Variants in CEBPZ observed in about 807,000 individuals in gnomAD.
CEBPZ encodes the protein CCAAT enhancer binding protein zeta.
In CEBPZ, 78 loss-of-function variants were observed where a neutral mutation model predicts 104.5. The ratio of observed to expected loss-of-function variants is 0.75; its 90% CI spans 0.62 to 0.90. The LOEUF is 0.90. CEBPZ is among the 40% of genes least tolerant of loss of function. CEBPZ has a pLI of 0.00. For synonymous variants in CEBPZ, 470 were observed against 427.0 expected (o/e 1.10, Z -1.24); for missense variants, 1,439 against 1,233.5 (o/e 1.17, Z -2.50).
chr2:37,210,989 AT>A lies in CEBPZ; in HGVS notation c.2884+9del. On this transcript the variant is annotated intron_variant, in intron 13 of 15. Coordinates refer to ENST00000234170, the MANE Select transcript of CEBPZ (RefSeq NM_005760.3). ...ACTGCTTTTAAAAGATATTAAATGT[AT>A]TTTCTTACCTTGAAATGAGCCAGCA... The A allele has an allele frequency of 6.3e-7, 1 of 1,592,634 alleles. No individual in the cohort carries two copies.
chr2:37,212,600 A>G (rs1054493567), intron 10 of CEBPZ: 23 of 544,040 alleles, frequency 4.2e-5, no homozygotes, highest in African/African-American at 4.2e-4. Flanking sequence ...AAAACTAAAG[A>G]AGGATCCAGT....
rs747793120 is a variant in CEBPZ at position 37,203,019 on chromosome 2, T to C, written c.2885-11A>G. 11 of 1,506,928 alleles carry C rather than the reference T, an allele frequency of 7.3e-6. No homozygotes were observed. Among genetic ancestry groups the C allele is most frequent in the Non-Finnish European group, 8.9e-6 (10 of 1,117,950 alleles). The allele number at this position is 1,506,928 out of a possible 1,614,324, so 93.3% of individuals were successfully genotyped here. A position where few individuals can be genotyped will look rare whatever the true frequency, so the allele number is the denominator to read the frequency against. The stretch of plus-strand genomic sequence containing the variant: ...TCTTTTTTCTTGGCCCTAAAAAAAA[T>C]TGTAAGTCTACATTATTCAATTATA... On this transcript the variant is annotated splice_polypyrimidine_tract_variant and intron_variant, in intron 13 of 15. Transcript: ENST00000234170.
intron 2 of CEBPZ, 55 bp downstream of exon 2, chr2:37,227,489 C>G: frequency 2.0e-6 from 3 of 1,514,366 alleles, no homozygotes; most frequent in Non-Finnish European, 2.6e-6. Flanking sequence ...ACTGCTTGTG[C>G]TGTACTACAT....
Position 37,231,412 on chromosome 2 carries a change from C to G in CEBPZ, c.156G>C (p.Lys52Asn). 1 of 1,613,930 alleles carries G rather than the reference C, an allele frequency of 6.2e-7. No individual in the cohort carries two copies. Among genetic ancestry groups the G allele is most frequent in the Non-Finnish European group, 8.5e-7 (1 of 1,179,970 alleles). Residue 52 changes from lysine to asparagine, a missense_variant and splice_region_variant, in exon 1 of 16, where the codon AAG becomes AAC. Lys to Asn is a moderately conservative substitution (Grantham distance 94). Transcript: ENST00000234170. ...GTTCCCCGGAGCCCGCGGCCGTTAC[C>G]TTGGTGCCTCCGAGCCGTAACACTT... ...LEEVLRLGGT[K>N]QDYLMLATLD...
intron 13 of CEBPZ, among the ~76,000 whole-genome samples, chr2:37,207,370 G>C (rs958206796): frequency 1.3e-5 from 2 of 152,108 alleles, no homozygotes; most frequent in African/African-American, 4.8e-5. Context: ...ACCAGCACAC[G>C]GAGCATTCTC....
chr2:37,219,899 G>C (rs79130981), intron 5 of CEBPZ, among the ~76,000 whole-genome samples: 2,116 of 152,222 alleles, frequency 0.014, 42 homozygotes, highest in African/African-American at 0.048. Flanking sequence ...GCACACTTAA[G>C]ATTTTCTACA....
At chr2:37,215,426 C>T (rs186747315) in intron 8 of CEBPZ, 1 of 152,342 alleles carries the variant, frequency 6.6e-6, no homozygotes, top group Non-Finnish European at 1.5e-5. Context: ...TAAGGAACTA[C>T]AAGAAATCAG....
chr2:37,213,755 C>G, intron 10 of CEBPZ, 109 bp downstream of exon 10: 1 of 708,768 alleles, frequency 1.4e-6, no homozygotes, highest in South Asian at 1.8e-5. Flanking sequence ...GCATGATATT[C>G]TTAGCTAAGT....
rs755444331 is a variant in CEBPZ, at chr2:37,227,694, C to A, written c.1499G>T (p.Gly500Val). ...VNRAYPYSQT[G>V]DDKVREQIDT... is the part of the protein sequence containing the mutation. ...AATCTGCTCCCTTACTTTGTCATCA[C>A]CAGTCTGGGAATAAGGGTATGCCCT... Residue 500 changes from glycine (G) to valine (V), a missense_variant, in exon 2 of 16, where the codon GGT becomes GTT. Coordinates refer to ENST00000234170, the MANE Select transcript of CEBPZ (RefSeq NM_005760.3). 1.9e-6 allele frequency: 3 copies of A among 1,614,034 alleles called. No homozygotes were observed. The highest frequency in any genetic ancestry group is 2.7e-5 in the African/African-American group (2 of 74,914).
At chr2:37,205,129 G>A (rs1677488477) in intron 13 of CEBPZ, among the ~76,000 whole-genome samples, 1 of 152,118 alleles carries the variant, frequency 6.6e-6, no homozygotes, top group Non-Finnish European at 1.5e-5. Flanking sequence ...GTTATTACAG[G>A]ACTAAGAAAT....
chr2:37,228,908 C>T lies in CEBPZ; in HGVS notation c.285G>A (p.Lys95=), dbSNP rs1664960368. ...EAFIQNLNLA[K]YTKASLVEED... is the part of the protein sequence containing the mutation. Reference sequence around the variant, plus strand: ...CTTCAACTAAGGAAGCTTTTGTATACTTCGCCAAATTAAGATTTTGAATAA... The same window carrying T: ...CTTCAACTAAGGAAGCTTTTGTATATTTCGCCAAATTAAGATTTTGAATAA... The change falls in exon 2 of 16, where the codon AAG becomes AAA. Residue 95 remains lysine, a synonymous_variant. Coordinates refer to ENST00000234170, the MANE Select transcript of CEBPZ (RefSeq NM_005760.3). 2.5e-6 allele frequency: 4 copies of T among 1,610,672 alleles called. No individual in the cohort carries two copies. Among genetic ancestry groups the T allele is most frequent in the Non-Finnish European group, 3.4e-6 (4 of 1,178,906 alleles).
chr2:37,229,467 C>A (rs921991696), intron 1 of CEBPZ, among the ~76,000 whole-genome samples: 1 of 152,030 alleles, frequency 6.6e-6, no homozygotes, highest in Non-Finnish European at 1.5e-5. Flanking sequence ...TTAGACAAAT[C>A]CACATTAAAA....
At chr2:37,204,747 G>C (rs1677472109) in intron 13 of CEBPZ, 1 of 152,100 alleles carries the variant, frequency 6.6e-6, no homozygotes, top group African/African-American at 2.4e-5. Context: ...AAAATTCCTT[G>C]CCTCTTTTTG....
chr2:37,212,237 T>C lies in CEBPZ; in HGVS notation c.2603+98A>G. 4.3e-6 allele frequency: 5 copies of C among 1,151,880 alleles called. No homozygotes were observed. In the South Asian group the frequency reaches 5.4e-5, roughly 12 times the overall value. 71.4% of individuals were successfully genotyped at this position (1,151,880 alleles called of 1,614,324 possible). A position where few individuals can be genotyped will look rare whatever the true frequency, so the allele number is the denominator to read the frequency against. ...CACTTCCCAAACTTACTTGACTACA[T>C]TTCCCCTTTATCATATAGTTCTGTG... On this transcript the variant is annotated intron_variant, in intron 11 of 15. Transcript: ENST00000234170.
chr2:37,215,240 T>C (rs930816240), intron 8 of CEBPZ: 4 of 245,870 alleles, frequency 1.6e-5, no homozygotes, highest in Non-Finnish European at 3.1e-5. Flanking sequence ...TTCATTTGCA[T>C]CCAGGACCCA....
At chr2:37,230,259 A>G (rs1471157434) in intron 1 of CEBPZ, among the ~76,000 whole-genome samples, 11 of 152,238 alleles carry the variant, frequency 7.2e-5, no homozygotes, top group Admixed American at 7.2e-4. Context: ...ATATGGTACC[A>G]TTTATGTAAA....
In CEBPZ at chr2:37,214,844, T is replaced by A. The variant is rs768174796; in HGVS notation, c.2447+42A>T. 2.4e-6 allele frequency: 3 copies of A among 1,270,542 alleles called. No homozygotes were observed. In the East Asian group the frequency reaches 7.0e-5, roughly 30 times the overall value. 78.7% of individuals were successfully genotyped at this position (1,270,542 alleles called of 1,614,324 possible). ...ATTTTATGAAATCTAAAAATTTAAA[T>A]TTTAGCAGTTTCCCCAAATGAAACT... On this transcript the variant is annotated intron_variant, in intron 9 of 15. Coordinates refer to ENST00000234170, the MANE Select transcript of CEBPZ (RefSeq NM_005760.3).
chr2:37,212,191 C>G (rs74432666), intron 11 of CEBPZ, 144 bp downstream of exon 11: 31,924 of 986,106 alleles, frequency 0.032, 702 homozygotes, highest in Middle Eastern at 0.038. Context: ...TTATAAATGT[C>G]AAAGATGAAA....
intron 1 of CEBPZ, among the ~76,000 whole-genome samples, chr2:37,229,899 G>A (rs771455163): frequency 1.3e-5 from 2 of 151,828 alleles, no homozygotes; most frequent in Non-Finnish European, 2.9e-5. Flanking sequence ...TCCTTATGTT[G>A]CCCAGGCTGG....
Sources: gnomAD v4.1 joint callset for allele counts (sites outside exome capture counted in the v4.1 genomes callset) on GRCh38, gnomAD v4.1.1 for gene constraint, MANE v1.5 for transcripts, NCBI Gene and HGNC (gene_info 2026-07-23, HGNC 2026-07-21) for gene names.